ARHGAP35: variants seen among roughly 807,000 people sequenced by gnomAD.
ARHGAP35 encodes Rho GTPase activating protein 35.
A neutral mutation model predicts 111.1 loss-of-function variants in ARHGAP35; 15 were observed. The observed-to-expected ratio is 0.13, with a 90% CI of 0.09 to 0.21. ARHGAP35 has a LOEUF of 0.21. Among genes scored for constraint, ARHGAP35 ranks in the 10% least tolerant of loss-of-function variants. The probability of loss-of-function intolerance (pLI) is 1.00; values close to 1 mark genes in which losing one functional copy is unlikely to be tolerated. For missense variants in ARHGAP35, 1,262 were observed against 1,873.0 expected (o/e 0.67, Z 6.02); for synonymous variants, 643 against 710.3 (o/e 0.91, Z 1.51).
chr19:46,906,688 C>G (rs1421730058), intron 1 of ARHGAP35, among the ~76,000 whole-genome samples: 1 of 152,226 alleles, frequency 6.6e-6, no homozygotes, highest in Non-Finnish European at 1.5e-5. Context: ...AGCTTCAGTA[C>G]AGATGCAGTA....
intron 3 of ARHGAP35, among the ~76,000 whole-genome samples, chr19:46,938,511 C>A (rs1429715418): frequency 6.6e-6 from 1 of 151,750 alleles, no homozygotes; most frequent in Non-Finnish European, 1.5e-5. Flanking sequence ...CGCCATGACG[C>A]CCAACTAATT....
At chr19:46,941,627 G>A (rs1487693021) in intron 3 of ARHGAP35, among the ~76,000 whole-genome samples, 1 of 149,556 alleles carries the variant, frequency 6.7e-6, no homozygotes, top group Non-Finnish European at 1.5e-5. Context: ...CCAGTCTGGA[G>A]TGCAGTGGTG....
intron 3 of ARHGAP35, among the ~76,000 whole-genome samples, chr19:46,974,683 C>G (rs2056569972): frequency 6.6e-6 from 1 of 152,118 alleles, no homozygotes; most frequent in Non-Finnish European, 1.5e-5. Context: ...GATTGATTAA[C>G]TCATTGGCCA....
intron 3 of ARHGAP35, among the ~76,000 whole-genome samples, chr19:46,954,273 C>T (rs1248110924): frequency 6.6e-6 from 1 of 152,180 alleles, no homozygotes; most frequent in East Asian, 1.9e-4. Flanking sequence ...GCAAGGTGAC[C>T]AACTCAGGCA....
In ARHGAP35 at chr19:46,986,099, G is replaced by A. The variant is rs762432691; in HGVS notation, c.3827-1890G>A. Among the ~76,000 whole-genome samples, 13 of 152,174 alleles carry A rather than the reference G, an allele frequency of 8.5e-5. No individual in the cohort carries two copies. The highest frequency in any genetic ancestry group is 2.4e-4 in the African/African-American group (10 of 41,432). On this transcript the variant is annotated intron_variant, in intron 3 of 6. Coordinates refer to ENST00000672722, the MANE Select transcript of ARHGAP35 (RefSeq NM_004491.5). The surrounding 1 kb of genome is among the most constrained non-coding windows in gnomAD (Gnocchi z 4.3). ...TGTGCACCTTCAGCAAGACAGAGTC[G>A]CTCAAAGCCAGTCTTCAGAAGGGAC...
chr19:46,862,046 C>T (rs933394160), intron 1 of ARHGAP35, among the ~76,000 whole-genome samples: 1 of 152,172 alleles, frequency 6.6e-6, no homozygotes, highest in Admixed American at 6.5e-5. Flanking sequence ...CCGTGCTTGC[C>T]TGTTCCCCTT....
chr19:46,881,180 T>A (rs1178962229), intron 1 of ARHGAP35, among the ~76,000 whole-genome samples: 1 of 152,046 alleles, frequency 6.6e-6, no homozygotes, highest in Non-Finnish European at 1.5e-5. Flanking sequence ...CCTGATGTAA[T>A]CCACCCACCT....
rs1462568314 is a variant in ARHGAP35 at position 46,986,613 on chromosome 19, T to C, written c.3827-1376T>C. Among the ~76,000 whole-genome samples the C allele has an allele frequency of 1.3e-5, 2 of 152,068 alleles. No homozygotes were observed. The highest frequency in any genetic ancestry group is 4.8e-5 in the African/African-American group (2 of 41,400). On this transcript the variant is annotated intron_variant, in intron 3 of 6. Coordinates refer to ENST00000672722, the MANE Select transcript of ARHGAP35 (RefSeq NM_004491.5). The surrounding 1 kb of genome is among the most constrained non-coding windows in gnomAD (Gnocchi z 4.3). ...ACTTCAACAAATTCAGTAAACAAAA[T>C]TAGAAGACAGATAACAAAAAGGAAA...
chr19:46,919,665 T>C lies in ARHGAP35; in HGVS notation c.990T>C (p.His330=). 3.1e-6 allele frequency: 5 copies of C among 1,613,960 alleles called. No individual in the cohort carries two copies. The highest frequency in any genetic ancestry group is 4.2e-6 in the Non-Finnish European group (5 of 1,179,878). The change falls in exon 2 of 7, where the codon CAT becomes CAC. Residue 330 remains histidine, a synonymous_variant. Transcript: ENST00000672722. The surrounding 1 kb of genome is among the most constrained non-coding windows in gnomAD (Gnocchi z 6.2). ...TACAGCACATCCACCGCCTCAAGCA[T>C]GAGCATATCGAGCGTAGGAGAAAGC... ...LFLQHIHRLK[H]EHIERRRKLY... is the part of the protein sequence containing the mutation.
At chr19:46,872,994 C>G (rs73566004) in intron 1 of ARHGAP35, among the ~76,000 whole-genome samples, 354 of 152,206 alleles carry the variant, frequency 2.3e-3, no homozygotes, top group African/African-American at 8.3e-3. Flanking sequence ...CAATAACCCT[C>G]TGGGGTAGGT....
At chr19:46,896,305 G>A (rs895650603) in intron 1 of ARHGAP35, among the ~76,000 whole-genome samples, 3 of 152,054 alleles carry the variant, frequency 2.0e-5, no homozygotes, top group Non-Finnish European at 4.4e-5. Flanking sequence ...ACCGGAGCCC[G>A]GGAGGTCAAG....
Position 46,920,704 on chromosome 19 carries a change from A to G in ARHGAP35, c.2029A>G (p.Ser677Gly). 6.2e-7 allele frequency: 1 copy of G among 1,613,904 alleles called. No homozygotes were observed. Among genetic ancestry groups the G allele is most frequent in the Non-Finnish European group, 8.5e-7 (1 of 1,179,862 alleles). The change falls in exon 2 of 7, where the codon AGT becomes GGT. Residue 677 changes from serine (S) to glycine (G), a missense_variant. Ser to Gly is a moderately conservative substitution (Grantham distance 56). Coordinates refer to ENST00000672722, the MANE Select transcript of ARHGAP35 (RefSeq NM_004491.5). This position sits in a 1 kb window ranked among gnomAD's most constrained non-coding sequence, Gnocchi z 7.0. ...SKESLSYVVE[S>G]IEKSRESTLG... The stretch of plus-strand genomic sequence containing the variant: ...GGAATCGCTATCCTATGTAGTGGAA[A>G]GTATAGAGAAGAGTAGAGAGTCCAC...
chr19:46,978,764 A>G (rs1388521850), intron 3 of ARHGAP35, among the ~76,000 whole-genome samples: 25 of 52,428 alleles, frequency 4.8e-4, no homozygotes, highest in Non-Finnish European at 7.3e-4. Context: ...GTGGTGGGGC[A>G]TGTGTGTGGT....
chr19:46,935,494 T>C (rs1423085130), intron 2 of ARHGAP35, among the ~76,000 whole-genome samples: 1 of 152,224 alleles, frequency 6.6e-6, no homozygotes, highest in African/African-American at 2.4e-5. Flanking sequence ...CAGGAAGTGA[T>C]TTTTTTCTTA....
At chr19:46,934,364 C>T (rs1347482651) in intron 2 of ARHGAP35, among the ~76,000 whole-genome samples, 4 of 152,154 alleles carry the variant, frequency 2.6e-5, no homozygotes, top group African/African-American at 4.8e-5. Context: ...AGCCCCTCTT[C>T]CCCACCCCGC....
chr19:47,002,688 C>G lies in ARHGAP35; in HGVS notation c.*2000C>G, dbSNP rs1388400855. ...TTCGAGGTTATGCTCACCTGGTCAG[C>G]TCCTCACGTAATTGGGGGTGGAGGG... On this transcript the variant is annotated 3_prime_UTR_variant, in exon 7 of 7. Coordinates refer to ENST00000672722, the MANE Select transcript of ARHGAP35 (RefSeq NM_004491.5). 1.3e-5 allele frequency: 2 copies of G among 148,776 alleles called. No homozygotes were observed. Among genetic ancestry groups the G allele is most frequent in the Non-Finnish European group, 3.0e-5 (2 of 65,606 alleles). The allele number at this position is 148,776 out of a possible 1,614,324, so 9.2% of individuals were successfully genotyped here.
At chr19:46,868,181 C>T (rs1446235358) in intron 1 of ARHGAP35, among the ~76,000 whole-genome samples, 2 of 152,182 alleles carry the variant, frequency 1.3e-5, no homozygotes, top group South Asian at 2.1e-4. Flanking sequence ...GCCCAGTATA[C>T]TTTAATCTGC....
chr19:46,868,287 GTTTAT>G (rs1007609561), intron 1 of ARHGAP35, among the ~76,000 whole-genome samples: 3 of 152,150 alleles, frequency 2.0e-5, no homozygotes, highest in African/African-American at 7.2e-5. Flanking sequence ...TTCAAAATTT[GTTTAT>G]TTTATTAGGC....
chr19:46,888,837 CAAAAAAAAA>C (rs769595005), intron 1 of ARHGAP35, among the ~76,000 whole-genome samples: 2,803 of 57,406 alleles, frequency 0.049, 108 homozygotes, highest in African/African-American at 0.13. Flanking sequence ...ACTAAAAATA[CAAAAAAAAA>C]AAAAAAAAAA....
Sources: allele counts gnomAD v4.1 joint callset (sites outside exome capture counted in the v4.1 genomes callset), GRCh38; gene constraint gnomAD v4.1.1; non-coding constraint Gnocchi (gnomAD v3.1); transcripts MANE v1.5; gene names NCBI Gene and HGNC (gene_info 2026-07-23, HGNC 2026-07-21).